SLC26A7: variants seen among roughly 807,000 people sequenced by gnomAD.
The protein encoded by SLC26A7 is anion exchange transporter.
Under a neutral mutation model 82.5 loss-of-function variants are expected in SLC26A7, and 59 were observed. The observed-to-expected ratio is 0.72, with a 90% CI of 0.58 to 0.89. The LOEUF is 0.89. Among genes scored for constraint, SLC26A7 ranks in the 40% least tolerant of loss-of-function variants. SLC26A7 has a pLI of 0.00. For synonymous variants in SLC26A7, 271 were observed against 274.3 expected (o/e 0.99, Z 0.12); for missense variants, 820 against 793.0 (o/e 1.03, Z -0.41).
chr8:91,310,154 C>T (rs573994171), intron 4 of SLC26A7, among the ~76,000 whole-genome samples: 26 of 152,198 alleles, frequency 1.7e-4, no homozygotes, highest in African/African-American at 6.3e-4. Flanking sequence ...ACTTGATGGT[C>T]GCCTGACATT....
intron 4 of SLC26A7, among the ~76,000 whole-genome samples, chr8:91,317,912 C>T (rs1448208083): frequency 7.1e-6 from 1 of 140,484 alleles, no homozygotes; most frequent in African/African-American, 2.7e-5. Context: ...TACCTAATAA[C>T]GTTTTCTAGA....
chr8:91,390,172 G>A (rs1372994523), intron 16 of SLC26A7, among the ~76,000 whole-genome samples: 1 of 149,522 alleles, frequency 6.7e-6, no homozygotes, highest in East Asian at 2.0e-4. Context: ...GTGCAGTGGC[G>A]CGATCTCGGC....
At chr8:91,358,314 T>C in intron 11 of SLC26A7, among the ~76,000 whole-genome samples, 1 of 151,262 alleles carries the variant, frequency 6.6e-6, no homozygotes, top group Admixed American at 6.6e-5. Context: ...GGCACACATA[T>C]GTTTTTTTCT....
At chr8:91,341,387 C>T (rs943582610) in intron 8 of SLC26A7, among the ~76,000 whole-genome samples, 5 of 152,094 alleles carry the variant, frequency 3.3e-5, no homozygotes, top group South Asian at 2.1e-4. Flanking sequence ...CAGTCTATCA[C>T]GATTGCATAT....
intron 2 of SLC26A7, among the ~76,000 whole-genome samples, chr8:91,263,750 T>G (rs1175379597): frequency 1.3e-5 from 2 of 152,030 alleles, no homozygotes; most frequent in African/African-American, 4.8e-5. Flanking sequence ...TCCTGTAACT[T>G]CCAATACTTC....
intron 16 of SLC26A7, 26 bp downstream of exon 16, chr8:91,389,464 C>G: frequency 2.0e-6 from 3 of 1,534,042 alleles, no homozygotes; most frequent in Non-Finnish European, 2.7e-6. Flanking sequence ...GTGTTTAGAA[C>G]TGTTTCTTCC....
At chr8:91,376,828 C>T (rs1257983671) in intron 15 of SLC26A7, among the ~76,000 whole-genome samples, 2 of 152,026 alleles carry the variant, frequency 1.3e-5, no homozygotes, top group Non-Finnish European at 1.5e-5. Context: ...GGCAGTGGGG[C>T]GAGCACCAGA....
intron 5 of SLC26A7, among the ~76,000 whole-genome samples, chr8:91,328,873 A>T (rs1401167395): frequency 6.6e-6 from 1 of 152,116 alleles, no homozygotes; most frequent in East Asian, 1.9e-4. Flanking sequence ...CTCAAGATGG[A>T]TTGTTTATGC....
intron 4 of SLC26A7, among the ~76,000 whole-genome samples, chr8:91,313,458 G>T (rs1015168162): frequency 2.0e-5 from 3 of 152,072 alleles, no homozygotes; most frequent in African/African-American, 7.2e-5. Flanking sequence ...TCACATAGAG[G>T]TTTTTTTCTC....
chr8:91,220,171 A>G (rs1377969255), intron 2 of SLC26A7, among the ~76,000 whole-genome samples: 1 of 152,118 alleles, frequency 6.6e-6, no homozygotes. Context: ...ATGGGGCCTC[A>G]AGGTAACTTT....
At chr8:91,282,162 C>G (rs1030488510) in intron 2 of SLC26A7, among the ~76,000 whole-genome samples, 1 of 152,068 alleles carries the variant, frequency 6.6e-6, no homozygotes, top group African/African-American at 2.4e-5. Flanking sequence ...TCTCTCAGCA[C>G]CTACATCAAC....
chr8:91,238,498 T>C (rs1284997570), intron 2 of SLC26A7, among the ~76,000 whole-genome samples: 1 of 150,920 alleles, frequency 6.6e-6, no homozygotes, highest in Non-Finnish European at 1.5e-5. Flanking sequence ...GTGCATTATC[T>C]ACACAAGACT....
At chr8:91,318,078 A>G (rs1812690242) in intron 4 of SLC26A7, 138 bp from the exon 5 acceptor site, 2 of 617,092 alleles carry the variant, frequency 3.2e-6, no homozygotes, top group Non-Finnish European at 5.4e-6. Context: ...TTGTATATAT[A>G]CAATGTAACA....
At chr8:91,338,711 C>CTA (rs1443976587) in intron 7 of SLC26A7, among the ~76,000 whole-genome samples, 1 of 152,090 alleles carries the variant, frequency 6.6e-6, no homozygotes, top group Non-Finnish European at 1.5e-5. Context: ...CCTAGCTGGC[C>CTA]TATAGCCTTC....
chr8:91,329,471 A>C (rs1223705186), intron 5 of SLC26A7, among the ~76,000 whole-genome samples: 1 of 152,128 alleles, frequency 6.6e-6, no homozygotes, highest in Admixed American at 6.6e-5. Flanking sequence ...GCTTTGCTTA[A>C]TGAGCTATAG....
rs755331473 is a variant in SLC26A7 at position 91,394,153 on chromosome 8, C to T, written c.1935+114C>T. The T allele has an allele frequency of 2.7e-4, 434 of 1,598,174 alleles. 1 individual carries two copies. The highest frequency in any genetic ancestry group is 3.2e-4 in the Non-Finnish European group (374 of 1,170,008). On this transcript the variant is annotated intron_variant, in intron 18 of 18. Transcript: ENST00000276609. ...CCATTGGCATCTAAAATCTGTTAGCCCCCCACCCCACCCCACCTCAGACTT... is the reference window on the plus strand; with the variant it reads ...CCATTGGCATCTAAAATCTGTTAGCTCCCCACCCCACCCCACCTCAGACTT...
At chr8:91,288,823 C>T (rs553875068) in intron 2 of SLC26A7, among the ~76,000 whole-genome samples, 1 of 152,128 alleles carries the variant, frequency 6.6e-6, no homozygotes, top group Non-Finnish European at 1.5e-5. Context: ...TTTAGTGTGC[C>T]TGGAGATATT....
chr8:91,220,421 A>G (rs1199121825), intron 2 of SLC26A7, among the ~76,000 whole-genome samples: 2 of 150,806 alleles, frequency 1.3e-5, no homozygotes, highest in Non-Finnish European at 2.9e-5. Context: ...TGTGCAGACC[A>G]TGCAGGTTTG....
chr8:91,278,463 G>T (rs1811466138), intron 2 of SLC26A7, among the ~76,000 whole-genome samples: 2 of 151,996 alleles, frequency 1.3e-5, no homozygotes, highest in Admixed American at 6.6e-5. Context: ...ATATATAGAA[G>T]TATATACTAT....
Sources: gnomAD v4.1 joint callset for allele counts (sites outside exome capture counted in the v4.1 genomes callset) on GRCh38, gnomAD v4.1.1 for gene constraint, MANE v1.5 for transcripts, NCBI Gene and HGNC (gene_info 2026-07-23, HGNC 2026-07-21) for gene names.